WLS: variants seen among roughly 807,000 people sequenced by gnomAD.
WLS encodes the protein Wnt ligand secretion mediator, also known as protein wntless homolog.
Under a neutral mutation model 62.8 loss-of-function variants are expected in WLS, and 23 were observed. The observed-to-expected ratio is 0.37, with a 90% CI of 0.26 to 0.52. The LOEUF (loss-of-function observed/expected upper bound fraction) is 0.52, where lower values mean the gene tolerates loss of function less well. WLS is among the 20% of genes least tolerant of loss of function. The pLI, the probability that WLS is intolerant of heterozygous loss-of-function variation, is 0.92. For missense variants in WLS, 615 were observed against 697.3 expected, an observed-to-expected ratio of 0.88 and a Z score of 1.33; for synonymous variants, 246 against 244.1, an observed-to-expected ratio of 1.01 and a Z score of -0.07.
At chr1:68,139,302 ACTT>A (rs144994986) in intron 10 of WLS, among the ~76,000 whole-genome samples, 5,158 of 152,298 alleles carry the variant, frequency 0.034, 92 homozygotes, top group Middle Eastern at 0.099. Flanking sequence ...GCTACTTAGG[ACTT>A]CTTAGAAATG....
chr1:68,128,844 G>C (rs575624179), intron 11 of WLS, among the ~76,000 whole-genome samples: 3 of 150,410 alleles, frequency 2.0e-5, no homozygotes, highest in East Asian at 4.6e-4. Context: ...CTGAGGCACA[G>C]AGAGGCTAAG....
intron 11 of WLS, among the ~76,000 whole-genome samples, chr1:68,133,453 C>A (rs923432239): frequency 2.0e-5 from 3 of 152,058 alleles, no homozygotes; most frequent in African/African-American, 7.2e-5. Context: ...GGCTAAAGAC[C>A]CCTTGAGAGC....
At chr1:68,212,276 A>T (rs906249131) in intron 1 of WLS, among the ~76,000 whole-genome samples, 2 of 152,228 alleles carry the variant, frequency 1.3e-5, no homozygotes, top group African/African-American at 2.4e-5. Context: ...GGAAATACAG[A>T]TGGAGTCCCA....
intron 2 of WLS, chr1:68,162,398 A>T (rs1646990722): frequency 6.2e-7 from 1 of 1,613,856 alleles, no homozygotes; most frequent in East Asian, 2.2e-5. Context: ...TGATACAGCA[A>T]ATCCTACAGA....
At chr1:68,163,951 G>A (rs899584102) in intron 2 of WLS, among the ~76,000 whole-genome samples, 6 of 152,136 alleles carry the variant, frequency 3.9e-5, no homozygotes, top group Non-Finnish European at 8.8e-5. Flanking sequence ...GCTTTTCTAC[G>A]GTGGCTTAAA....
Position 68,125,735 on chromosome 1 carries a change from A to C in WLS, c.*491T>G. ...TATTAACTCAGTGGGCTACCTGGTGATATAAATAGGAAAAAAACAGTGGTC... is the reference window on the plus strand; with the variant it reads ...TATTAACTCAGTGGGCTACCTGGTGCTATAAATAGGAAAAAAACAGTGGTC... On this transcript the variant is annotated 3_prime_UTR_variant, in exon 12 of 12. Transcript: ENST00000262348. 1 of 986,130 alleles carries C rather than the reference A, an allele frequency of 1.0e-6. No individual in the cohort carries two copies. Among genetic ancestry groups the C allele is most frequent in the African/African-American group, 1.7e-5 (1 of 57,358 alleles). 61.1% of individuals were successfully genotyped at this position (986,130 alleles called of 1,614,324 possible). A position where few individuals can be genotyped will look rare whatever the true frequency, so the allele number is the denominator to read the frequency against.
intron 2 of WLS, among the ~76,000 whole-genome samples, chr1:68,168,147 T>C (rs1398233642): frequency 6.6e-6 from 1 of 152,086 alleles, no homozygotes; most frequent in African/African-American, 2.4e-5. Context: ...AGAGGTCTAG[T>C]GTCCCCAAGA....
intron 5 of WLS, 112 bp downstream of exon 5, chr1:68,153,405 C>T: frequency 1.4e-6 from 2 of 1,446,082 alleles, no homozygotes; most frequent in Non-Finnish European, 9.4e-7. Context: ...CTGGTCAAAT[C>T]ACTGGCCTAA....
At chr1:68,138,742 G>C (rs1177338984) in intron 10 of WLS, among the ~76,000 whole-genome samples, 2 of 152,156 alleles carry the variant, frequency 1.3e-5, no homozygotes, top group African/African-American at 4.8e-5. Flanking sequence ...TGACTAATTT[G>C]TGCCAGCTCT....
intron 1 of WLS, among the ~76,000 whole-genome samples, chr1:68,211,302 G>C (rs1649504377): frequency 7.1e-6 from 1 of 140,374 alleles, no homozygotes; most frequent in Non-Finnish European, 1.6e-5. Context: ...GAGGCACACA[G>C]CCTCCTTTGT....
intron 11 of WLS, among the ~76,000 whole-genome samples, chr1:68,104,591 G>A (rs1646120623): frequency 6.6e-6 from 1 of 152,122 alleles, no homozygotes; most frequent in Non-Finnish European, 1.5e-5. Context: ...TGTCAAGTTT[G>A]TGAGTTCACC....
chr1:68,158,604 AT>A (rs1379831859), intron 3 of WLS, among the ~76,000 whole-genome samples: 1 of 151,956 alleles, frequency 6.6e-6, no homozygotes, highest in Non-Finnish European at 1.5e-5. Flanking sequence ...AAAAAAAAAA[AT>A]CACAAAAAGA....
At chr1:68,102,108 A>G (rs997005515) in intron 11 of WLS, among the ~76,000 whole-genome samples, 2 of 152,138 alleles carry the variant, frequency 1.3e-5, no homozygotes, top group African/African-American at 4.8e-5. Flanking sequence ...AGTGTCTACC[A>G]TGGGCCAGCT....
rs1367715359 is a variant in WLS at position 68,125,755 on chromosome 1, G to C, written c.*471C>G. On this transcript the variant is annotated 3_prime_UTR_variant, in exon 12 of 12. Coordinates refer to ENST00000262348, the MANE Select transcript of WLS (RefSeq NM_024911.7). ...TGGTGATATAAATAGGAAAAAAACA[G>C]TGGTCATGGATTAGGAGTGAGAAGA... 1 of 985,912 alleles carries C rather than the reference G, an allele frequency of 1.0e-6. No individual in the cohort carries two copies. Among genetic ancestry groups the C allele is most frequent in the Non-Finnish European group, 1.2e-6 (1 of 830,390 alleles). 61.1% of individuals were successfully genotyped at this position (985,912 alleles called of 1,614,324 possible). A position where few individuals can be genotyped will look rare whatever the true frequency, so the allele number is the denominator to read the frequency against.
intron 2 of WLS, among the ~76,000 whole-genome samples, chr1:68,175,775 T>A (rs1482142687): frequency 6.6e-6 from 1 of 152,122 alleles, no homozygotes; most frequent in Non-Finnish European, 1.5e-5. Context: ...AGAACCAGAC[T>A]ACAGGGCAGT....
chr1:68,232,027 T>G (rs1394169416), intron 1 of WLS, among the ~76,000 whole-genome samples, 167 bp downstream of exon 1: 1 of 152,096 alleles, frequency 6.6e-6, no homozygotes, highest in African/African-American at 2.4e-5. Context: ...TAGACTGGAT[T>G]GTGCCCCACG....
At chr1:68,131,106 TTTCACC>T (rs1646515490) in intron 11 of WLS, among the ~76,000 whole-genome samples, 2 of 28,004 alleles carry the variant, frequency 7.1e-5, no homozygotes, top group Non-Finnish European at 1.2e-4. Flanking sequence ...AGAGACAGGG[TTTCACC>T]GCATTAGCCA....
intron 11 of WLS, among the ~76,000 whole-genome samples, chr1:68,110,705 G>A (rs1036574725): frequency 6.5e-4 from 96 of 147,098 alleles, no homozygotes; most frequent in Non-Finnish European, 1.1e-3. Context: ...ATATATATGT[G>A]TGTGTATGTG....
intron 1 of WLS, among the ~76,000 whole-genome samples, chr1:68,216,819 G>C (rs1649748364): frequency 6.6e-6 from 1 of 152,206 alleles, no homozygotes; most frequent in African/African-American, 2.4e-5. Context: ...ATAAACTTCT[G>C]AGAGTGAGCA....
Sources: allele counts gnomAD v4.1 joint callset (sites outside exome capture counted in the v4.1 genomes callset), GRCh38; gene constraint gnomAD v4.1.1; transcripts MANE v1.5; gene names NCBI Gene and HGNC (gene_info 2026-07-23, HGNC 2026-07-21).